Variants in PIK3R3 observed in about 807,000 individuals in gnomAD.
PIK3R3 encodes the protein phosphoinositide-3-kinase regulatory subunit 3, also known as phosphatidylinositol 3-kinase regulatory subunit gamma.
PIK3R3 carries 64 observed loss-of-function variants against 62.9 expected under a neutral mutation model. That is an observed-to-expected ratio of 1.02 (90% CI 0.83 to 1.25). The LOEUF is 1.25. Among genes scored for constraint, PIK3R3 ranks in the 50% most tolerant of loss-of-function variants. The probability of loss-of-function intolerance (pLI) is 0.00; values close to 1 mark genes in which losing one functional copy is unlikely to be tolerated. For missense variants in PIK3R3, 614 were observed against 561.6 expected (o/e 1.09, Z -0.94); for synonymous variants, 165 against 189.0 (o/e 0.87, Z 1.04).
intron 8 of PIK3R3, 57 bp downstream of exon 8, chr1:46,046,494 C>T (rs1033380157): frequency 6.4e-6 from 7 of 1,096,038 alleles, no homozygotes; most frequent in African/African-American, 1.5e-5. Context: ...ATAAACAAGG[C>T]GCATGTCTTA....
intron 1 of PIK3R3, among the ~76,000 whole-genome samples, chr1:46,091,671 C>A (rs1396345419): frequency 6.6e-6 from 1 of 152,118 alleles, no homozygotes; most frequent in Non-Finnish European, 1.5e-5. Flanking sequence ...AGCTTTAGTG[C>A]AACGAGCAAA....
intron 1 of PIK3R3, among the ~76,000 whole-genome samples, chr1:46,120,214 C>A (rs1654542020): frequency 6.6e-6 from 1 of 152,144 alleles, no homozygotes; most frequent in African/African-American, 2.4e-5. Flanking sequence ...TAGTAAGCAA[C>A]CAACAAGATA....
At chr1:46,055,493 G>A (rs895106748) in intron 7 of PIK3R3, among the ~76,000 whole-genome samples, 6 of 152,138 alleles carry the variant, frequency 3.9e-5, no homozygotes, top group African/African-American at 1.2e-4. Context: ...TTATGTTTTA[G>A]GCAAACATTA....
upstream of PIK3R3, among the ~76,000 whole-genome samples, chr1:46,133,810 TAA>T (rs112127024): frequency 7.0e-6 from 1 of 142,738 alleles, no homozygotes; most frequent in Non-Finnish European, 1.5e-5. Flanking sequence ...TCAAACCAAT[TAA>T]AAAAAAAAAA....
intron 1 of PIK3R3, among the ~76,000 whole-genome samples, chr1:46,091,975 G>C (rs989940792): frequency 4.6e-5 from 7 of 151,952 alleles, no homozygotes; most frequent in Admixed American, 4.6e-4. Context: ...CACACACCCT[G>C]AATATTTCTA....
Position 46,132,129 on chromosome 1 carries a change from C to T in PIK3R3, c.-177G>A, listed in dbSNP as rs986790609. 7.2e-7 allele frequency: 1 copy of T among 1,395,462 alleles called. No homozygotes were observed. The highest frequency in any genetic ancestry group is 1.6e-5 in the South Asian group (1 of 64,174). The allele number at this position is 1,395,462 out of a possible 1,614,324, so 86.4% of individuals were successfully genotyped here. A position where few individuals can be genotyped will look rare whatever the true frequency, so the allele number is the denominator to read the frequency against. On this transcript the variant is annotated 5_prime_UTR_variant, in exon 1 of 10. Coordinates refer to ENST00000262741, the MANE Select transcript of PIK3R3 (RefSeq NM_003629.4). ...CCGAACAGGGTCCTCCCCCTCTCTC[C>T]TACAGAACACAACAAAATGCCCCCG... is the stretch of plus-strand genomic sequence containing the variant.
intron 1 of PIK3R3, among the ~76,000 whole-genome samples, chr1:46,101,646 G>A (rs1652689085): frequency 6.6e-6 from 1 of 152,146 alleles, no homozygotes; most frequent in Admixed American, 6.5e-5. Context: ...CCGCAATATG[G>A]ATGAACACCA....
chr1:46,115,703 C>T (rs912536705), intron 1 of PIK3R3, among the ~76,000 whole-genome samples: 2 of 152,194 alleles, frequency 1.3e-5, no homozygotes, highest in African/African-American at 4.8e-5. Context: ...TGAACCACCT[C>T]GTTGTCCTTC....
At chr1:46,081,056 A>C (rs556588935) in intron 1 of PIK3R3, among the ~76,000 whole-genome samples, 3 of 152,202 alleles carry the variant, frequency 2.0e-5, no homozygotes, top group Non-Finnish European at 4.4e-5. Flanking sequence ...AAAAGCCACT[A>C]AGTGACCAAT....
At chr1:46,134,925 C>A (rs1339311143), upstream of PIK3R3, among the ~76,000 whole-genome samples, 1 of 152,200 alleles carries the variant, frequency 6.6e-6, no homozygotes, top group East Asian at 1.9e-4. Context: ...TGGAGTAAAG[C>A]TGTGATTCAG....
At chr1:46,113,301 T>G (rs1653899847) in intron 1 of PIK3R3, among the ~76,000 whole-genome samples, 2 of 149,358 alleles carry the variant, frequency 1.3e-5, no homozygotes, top group African/African-American at 4.9e-5. Context: ...CTCTCAATTT[T>G]TTTTTTTTTT....
At chr1:46,166,159 A>G in the PIK3R3 span, among the ~76,000 whole-genome samples, 1 of 152,032 alleles carries the variant, frequency 6.6e-6, no homozygotes, top group Admixed American at 6.5e-5. Flanking sequence ...TCTGGTATGC[A>G]TAGGCACTCA....
rs142576318 is a variant in PIK3R3 at position 46,066,981 on chromosome 1, T to C, written c.425A>G (p.His142Arg). Residue 142 changes from histidine (H) to arginine (R), a missense_variant, in exon 4 of 10, where the codon CAT becomes CGT. Coordinates refer to ENST00000262741, the MANE Select transcript of PIK3R3 (RefSeq NM_003629.4). ...SVVELINHYH[H>R]ESLAQYNPKL... ...GGGATTGTACTGAGCAAGAGATTCA[T>C]GGTGATAGTGGTTAATGAGCTCCAC... 50 of 1,611,624 alleles carry C rather than the reference T, an allele frequency of 3.1e-5. No homozygotes were observed. The African/African-American group carries it at 5.6e-4, about 18-fold the overall frequency.
chr1:46,116,650 A>C (rs1420022356), intron 1 of PIK3R3, among the ~76,000 whole-genome samples: 1 of 151,794 alleles, frequency 6.6e-6, no homozygotes, highest in Admixed American at 6.6e-5. Flanking sequence ...TGACAGAGCG[A>C]AACTCCATCC....
At chr1:46,072,395 CTCTG>C (rs1239783088) in intron 3 of PIK3R3, among the ~76,000 whole-genome samples, 5 of 152,344 alleles carry the variant, frequency 3.3e-5, no homozygotes, top group African/African-American at 9.6e-5. Flanking sequence ...GAAACTTTCT[CTCTG>C]TCTTTCTCTC....
At chr1:46,074,563 G>A (rs1444244544) in intron 3 of PIK3R3, among the ~76,000 whole-genome samples, 1 of 151,888 alleles carries the variant, frequency 6.6e-6, no homozygotes, top group African/African-American at 2.4e-5. Flanking sequence ...GGTGGGGGTG[G>A]GTCCTGAGAA....
At chr1:46,070,811 G>A (rs1018265647) in intron 3 of PIK3R3, among the ~76,000 whole-genome samples, 1 of 152,192 alleles carries the variant, frequency 6.6e-6, no homozygotes, top group Non-Finnish European at 1.5e-5. Flanking sequence ...TCTAAGCAGA[G>A]ATGAGAGAAG....
intron 5 of PIK3R3, among the ~76,000 whole-genome samples, chr1:46,063,146 T>C (rs972238984): frequency 1.3e-5 from 2 of 152,218 alleles, no homozygotes; most frequent in Non-Finnish European, 2.9e-5. Flanking sequence ...AACTAGTTAT[T>C]TATTGCTTTA....
upstream of PIK3R3, among the ~76,000 whole-genome samples, chr1:46,133,810 TA>T (rs112127024): frequency 0.011 from 1,613 of 142,506 alleles, 18 homozygotes; most frequent in Admixed American, 0.022. Flanking sequence ...TCAAACCAAT[TA>T]AAAAAAAAAA....
Sources: gnomAD v4.1 joint callset for allele counts (sites outside exome capture counted in the v4.1 genomes callset) on GRCh38, gnomAD v4.1.1 for gene constraint, MANE v1.5 for transcripts, NCBI Gene and HGNC (gene_info 2026-07-23, HGNC 2026-07-21) for gene names.